The following LNX1 variants were observed in gnomAD, a reference collection of about 807,000 sequenced individuals.
The protein encoded by LNX1 is E3 ubiquitin-protein ligase LNX.
Under a neutral mutation model 68.4 loss-of-function variants are expected in LNX1, and 54 were observed. That is an observed-to-expected ratio of 0.79 (90% CI 0.63 to 0.99). LNX1 has a LOEUF of 0.99. Among genes scored for constraint, LNX1 ranks in the 50% least tolerant of loss-of-function variants. The pLI is 0.00. For missense variants in LNX1, 906 were observed against 926.4 expected (o/e 0.98, Z 0.29); for synonymous variants, 336 against 350.0 (o/e 0.96, Z 0.45).
At chr4:53,478,399 T>C (rs1723700382) in intron 8 of LNX1, among the ~76,000 whole-genome samples, 166 bp downstream of exon 8, 2 of 152,138 alleles carry the variant, frequency 1.3e-5, no homozygotes, top group African/African-American at 4.8e-5. Context: ...AAGTGGAACC[T>C]GGTCTAGTAT....
chr4:53,565,748 GA>G (rs1307840732), intron 2 of LNX1, among the ~76,000 whole-genome samples: 2 of 148,728 alleles, frequency 1.3e-5, no homozygotes, highest in African/African-American at 4.9e-5. Context: ...TGAAAACTTT[GA>G]AAAAAATTTA....
chr4:53,585,036 T>C (rs561864873), intron 1 of LNX1, among the ~76,000 whole-genome samples: 1 of 152,330 alleles, frequency 6.6e-6, no homozygotes, highest in South Asian at 2.1e-4. Context: ...GTAAAAGATC[T>C]ACCCAGGATG....
At chr4:53,546,196 T>C (rs1173322349) in intron 2 of LNX1, among the ~76,000 whole-genome samples, 1 of 152,200 alleles carries the variant, frequency 6.6e-6, no homozygotes, top group African/African-American at 2.4e-5. Context: ...ATCCTTTGTA[T>C]ATGAAACTCT....
intron 1 of LNX1, among the ~76,000 whole-genome samples, chr4:53,643,663 C>T (rs1344066095): frequency 1.3e-5 from 2 of 152,202 alleles, no homozygotes; most frequent in Non-Finnish European, 2.9e-5. Context: ...CTTCTCCCTC[C>T]TGTTGAGAGC....
At chr4:53,609,187 G>A (rs193132847) in intron 2 of LNX1, among the ~76,000 whole-genome samples, 1 of 151,894 alleles carries the variant, frequency 6.6e-6, no homozygotes, top group Admixed American at 6.6e-5. Flanking sequence ...TTACCTGGCT[G>A]GAAAAATCAT....
chr4:53,572,609 A>G (rs775313862), intron 2 of LNX1, among the ~76,000 whole-genome samples: 12 of 152,174 alleles, frequency 7.9e-5, no homozygotes, highest in Non-Finnish European at 1.2e-4. Context: ...ACATCTTCCA[A>G]ATTTCCTCTT....
intron 8 of LNX1, among the ~76,000 whole-genome samples, chr4:53,477,827 A>C (rs1723662616): frequency 6.6e-6 from 1 of 152,116 alleles, no homozygotes; most frequent in Non-Finnish European, 1.5e-5. Flanking sequence ...GACCCGAAAG[A>C]AGCATCTTTC....
intron 2 of LNX1, among the ~76,000 whole-genome samples, chr4:53,533,695 C>T (rs1728176868): frequency 1.3e-5 from 2 of 152,176 alleles, no homozygotes; most frequent in Admixed American, 6.5e-5. Flanking sequence ...ACACTGTACC[C>T]AGCCTGGAGA....
At chr4:53,525,642 T>C (rs1305336503) in intron 2 of LNX1, among the ~76,000 whole-genome samples, 1 of 152,218 alleles carries the variant, frequency 6.6e-6, no homozygotes, top group African/African-American at 2.4e-5. Context: ...AAACATTAAT[T>C]GCAAAAACCA....
chr4:53,555,022 G>C (rs1729803898), intron 2 of LNX1, among the ~76,000 whole-genome samples: 1 of 152,090 alleles, frequency 6.6e-6, no homozygotes, highest in South Asian at 2.1e-4. Context: ...AATCCAGGAG[G>C]GTCTGTGCAT....
chr4:53,487,995 C>A (rs1054489239), intron 6 of LNX1, among the ~76,000 whole-genome samples: 1 of 152,152 alleles, frequency 6.6e-6, no homozygotes, highest in East Asian at 1.9e-4. Flanking sequence ...TCAGTGAATC[C>A]ATCTTGTGCT....
At chr4:53,467,813 CAA>C (rs968665733) in intron 9 of LNX1, among the ~76,000 whole-genome samples, 7 of 152,140 alleles carry the variant, frequency 4.6e-5, no homozygotes, top group African/African-American at 1.4e-4. Flanking sequence ...AAGAAATGAA[CAA>C]AGTCTCCAAG....
At chr4:53,464,793 C>T (rs1176773038) in intron 9 of LNX1, among the ~76,000 whole-genome samples, 2 of 152,096 alleles carry the variant, frequency 1.3e-5, no homozygotes, top group Non-Finnish European at 2.9e-5. Flanking sequence ...TTTTAGTAAG[C>T]TCAGGCAAGT....
chr4:53,614,796 G>A (rs866158561), intron 2 of LNX1, among the ~76,000 whole-genome samples: 6 of 152,142 alleles, frequency 3.9e-5, no homozygotes, highest in African/African-American at 1.4e-4. Context: ...GCTCACATCT[G>A]TCTGCTTCCT....
At chr4:53,621,741 C>T (rs999237753), upstream of LNX1, among the ~76,000 whole-genome samples, 2 of 152,150 alleles carry the variant, frequency 1.3e-5, no homozygotes, top group African/African-American at 4.8e-5. Flanking sequence ...TATGGTTTCT[C>T]ATTATGTTTT....
intron 1 of LNX1, among the ~76,000 whole-genome samples, chr4:53,648,465 T>C (rs1343979467): frequency 6.6e-6 from 1 of 152,218 alleles, no homozygotes; most frequent in Non-Finnish European, 1.5e-5. Flanking sequence ...TTTTTTGTTG[T>C]TGTTGAACTG....
intron 9 of LNX1, among the ~76,000 whole-genome samples, chr4:53,471,473 A>G (rs1290013581): frequency 6.6e-6 from 1 of 152,224 alleles, no homozygotes; most frequent in African/African-American, 2.4e-5. Flanking sequence ...ATGGCAACAA[A>G]AGCCAAAATT....
upstream of LNX1, among the ~76,000 whole-genome samples, chr4:53,618,705 A>C (rs190453628): frequency 2.4e-3 from 371 of 152,276 alleles, no homozygotes; most frequent in Admixed American, 4.3e-3. Flanking sequence ...AGAGGTTTAA[A>C]TTTTCCAGTA....
intron 2 of LNX1, among the ~76,000 whole-genome samples, chr4:53,598,512 T>C (rs1473981293): frequency 6.6e-6 from 1 of 152,112 alleles, no homozygotes; most frequent in Non-Finnish European, 1.5e-5. Context: ...GGACTAGAGG[T>C]GTGAGCCACT....
Sources: allele counts gnomAD v4.1 joint callset (sites outside exome capture counted in the v4.1 genomes callset), GRCh38; gene constraint gnomAD v4.1.1; transcripts MANE v1.5; gene names NCBI Gene and HGNC (gene_info 2026-07-23, HGNC 2026-07-21).